The following CHRM3 variants were observed in gnomAD, a reference collection of about 807,000 sequenced individuals.
CHRM3 encodes the protein muscarinic acetylcholine receptor M3.
Under a neutral mutation model 41.8 loss-of-function variants are expected in CHRM3, and 11 were observed. The ratio of observed to expected loss-of-function variants is 0.26; its 90% CI spans 0.17 to 0.44. The LOEUF is 0.44. Ranked by LOEUF, CHRM3 falls within the 20% of genes least tolerant of loss-of-function variation. The pLI is 1.00. For missense variants in CHRM3, 571 were observed against 745.4 expected (o/e 0.77, Z 2.72); for synonymous variants, 297 against 301.4 (o/e 0.99, Z 0.15).
chr1:239,424,727 C>T (rs138861725), intron 1 of CHRM3, among the ~76,000 whole-genome samples: 23 of 152,266 alleles, frequency 1.5e-4, no homozygotes, highest in African/African-American at 5.3e-4. Flanking sequence ...TGTGTACAGA[C>T]TCCACTCAAT....
chr1:239,870,593 G>A (rs1055513045), intron 6 of CHRM3, among the ~76,000 whole-genome samples: 1 of 152,126 alleles, frequency 6.6e-6, no homozygotes, highest in African/African-American at 2.4e-5. Flanking sequence ...TGTTCTTTGG[G>A]TATTTTCCCC....
intron 6 of CHRM3, among the ~76,000 whole-genome samples, chr1:239,836,923 C>T (rs975555381): frequency 2.7e-5 from 4 of 150,368 alleles, no homozygotes; most frequent in African/African-American, 4.9e-5. Context: ...TGCAGCGAGC[C>T]GAGATAGCAC....
rs528140232 is a variant in CHRM3 at position 239,850,747 on chromosome 1, G to T, written c.-20+23369G>T. Among the ~76,000 whole-genome samples the T allele has an allele frequency of 3.3e-5, 5 of 152,156 alleles. No individual in the cohort carries two copies. The East Asian group carries it at 7.7e-4, about 24-fold the overall frequency. The stretch of plus-strand genomic sequence containing the variant: ...GTGTGATCTGATGGTTTTATAAGGG[G>T]ATCATCCCCCTTTTGCTTGGCACTT... On this transcript the variant is annotated intron_variant, in intron 6 of 6. Transcript: ENST00000676153.
chr1:239,702,080 T>C (rs1660737705), intron 5 of CHRM3, among the ~76,000 whole-genome samples: 1 of 152,196 alleles, frequency 6.6e-6, no homozygotes, highest in South Asian at 2.1e-4. Flanking sequence ...AGAAGCAATT[T>C]CATTCAATGC....
chr1:239,474,024 T>A (rs531282564), intron 1 of CHRM3, among the ~76,000 whole-genome samples: 10 of 152,184 alleles, frequency 6.6e-5, no homozygotes, highest in Admixed American at 3.3e-4. Context: ...GTGCTAATAT[T>A]TGAAGGGCTG....
At chr1:239,774,946 C>T (rs1053188609) in intron 5 of CHRM3, among the ~76,000 whole-genome samples, 1 of 152,010 alleles carries the variant, frequency 6.6e-6, no homozygotes, top group Non-Finnish European at 1.5e-5. Flanking sequence ...TTGGAAATCT[C>T]CTTGCCATAG....
chr1:239,652,894 A>G (rs985624293), intron 4 of CHRM3, among the ~76,000 whole-genome samples: 7 of 152,254 alleles, frequency 4.6e-5, no homozygotes, highest in Non-Finnish European at 1.0e-4. Context: ...GTAGAAGTTA[A>G]GATGGCAGAT....
chr1:239,863,145 C>A (rs1675775293), intron 6 of CHRM3, among the ~76,000 whole-genome samples: 1 of 152,208 alleles, frequency 6.6e-6, no homozygotes, highest in South Asian at 2.1e-4. Context: ...TCCAAGCTCT[C>A]TATTCCTAAT....
intron 2 of CHRM3, among the ~76,000 whole-genome samples, chr1:239,507,926 G>A (rs1052978742): frequency 6.6e-6 from 1 of 152,120 alleles, no homozygotes; most frequent in Non-Finnish European, 1.5e-5. Flanking sequence ...AGTCACAATT[G>A]GAGAAAATCT....
intron 6 of CHRM3, among the ~76,000 whole-genome samples, chr1:239,890,247 G>C (rs1678436456): frequency 6.6e-6 from 1 of 152,060 alleles, no homozygotes; most frequent in Non-Finnish European, 1.5e-5. Context: ...GTTGCGGTGA[G>C]GCTGCAGGAG....
At chr1:239,813,892 G>T (rs1233535407) in intron 5 of CHRM3, among the ~76,000 whole-genome samples, 1 of 115,808 alleles carries the variant, frequency 8.6e-6, no homozygotes, top group Non-Finnish European at 1.7e-5. Flanking sequence ...ACTCCAGCCT[G>T]GGCGACAGAG....
At chr1:239,649,679 A>C (rs975203430) in intron 4 of CHRM3, among the ~76,000 whole-genome samples, 8 of 152,090 alleles carry the variant, frequency 5.3e-5, no homozygotes, top group African/African-American at 1.9e-4. Context: ...AAGGAAGGAT[A>C]AACTGAGGAT....
At chr1:239,517,130 G>A (rs952772498) in intron 2 of CHRM3, among the ~76,000 whole-genome samples, 3 of 152,110 alleles carry the variant, frequency 2.0e-5, no homozygotes, top group African/African-American at 7.2e-5. Flanking sequence ...CTCCTGCCCG[G>A]TCCATAGAAA....
chr1:239,497,549 C>G (rs113820219), intron 2 of CHRM3, among the ~76,000 whole-genome samples: 3 of 152,196 alleles, frequency 2.0e-5, no homozygotes, highest in Admixed American at 6.6e-5. Flanking sequence ...CTTTCCTTAT[C>G]TGCAAGTTAC....
intron 5 of CHRM3, among the ~76,000 whole-genome samples, chr1:239,817,302 T>C (rs1367961060): frequency 6.6e-6 from 1 of 152,190 alleles, no homozygotes; most frequent in Admixed American, 6.5e-5. Flanking sequence ...AAGATCTGTT[T>C]AAATCCAGGC....
chr1:239,781,189 A>T (rs1668486080), intron 5 of CHRM3, among the ~76,000 whole-genome samples: 1 of 152,114 alleles, frequency 6.6e-6, no homozygotes, highest in African/African-American at 2.4e-5. Context: ...TAGAAATCAA[A>T]TGAGGAGTAA....
chr1:239,642,414 A>G (rs1671264544), intron 4 of CHRM3, among the ~76,000 whole-genome samples: 1 of 152,120 alleles, frequency 6.6e-6, no homozygotes, highest in Non-Finnish European at 1.5e-5. Context: ...AATCAGATGT[A>G]GATTTGGTCT....
chr1:239,800,069 T>C (rs1326178068), intron 5 of CHRM3, among the ~76,000 whole-genome samples: 1 of 152,206 alleles, frequency 6.6e-6, no homozygotes, highest in Non-Finnish European at 1.5e-5. Flanking sequence ...AGTGTGTGAA[T>C]GTAAAAATGA....
At chr1:239,456,909 C>A (rs1664984351) in intron 1 of CHRM3, among the ~76,000 whole-genome samples, 1 of 152,208 alleles carries the variant, frequency 6.6e-6, no homozygotes, top group Non-Finnish European at 1.5e-5. Context: ...TACCTTTCTT[C>A]CACAGGAGCT....
Sources: allele counts gnomAD v4.1 joint callset (sites outside exome capture counted in the v4.1 genomes callset), GRCh38; gene constraint gnomAD v4.1.1; transcripts MANE v1.5; gene names NCBI Gene and HGNC (gene_info 2026-07-23, HGNC 2026-07-21).